Variants in COL24A1 observed in about 807,000 individuals in gnomAD.
COL24A1 encodes collagen type XXIV alpha 1 chain, also known as collagen alpha-1(XXIV) chain.
COL24A1 carries 224 observed loss-of-function variants against 253.9 expected under a neutral mutation model. The ratio of observed to expected loss-of-function variants is 0.88; its 90% CI spans 0.79 to 0.99. The LOEUF (loss-of-function observed/expected upper bound fraction) is 0.99. Ranked by LOEUF, COL24A1 falls within the 50% of genes least tolerant of loss-of-function variation. The probability of loss-of-function intolerance (pLI) is 0.00; values close to 1 mark genes in which losing one functional copy is unlikely to be tolerated. For synonymous variants in COL24A1, 685 were observed against 673.7 expected, an observed-to-expected ratio of 1.02 and a Z score of -0.26; for missense variants, 2,131 against 2,068.5, an observed-to-expected ratio of 1.03 and a Z score of -0.59.
chr1:85,973,751 A>G (rs1692401123), intron 20 of COL24A1, among the ~76,000 whole-genome samples: 1 of 152,172 alleles, frequency 6.6e-6, no homozygotes, highest in Non-Finnish European at 1.5e-5. Context: ...AACCAGAAAT[A>G]ATCCTTTCGG....
At chr1:85,969,061 C>G (rs925291713) in intron 22 of COL24A1, among the ~76,000 whole-genome samples, 2 of 152,072 alleles carry the variant, frequency 1.3e-5, no homozygotes, top group African/African-American at 4.8e-5. Flanking sequence ...ATAGCAACAA[C>G]AATAATAATT....
rs773538065 is a variant in COL24A1 at position 86,022,624 on chromosome 1, T to G, written c.2149-33A>C. 2.5e-6 allele frequency: 4 copies of G among 1,592,694 alleles called. No homozygotes were observed. In the African/African-American group the frequency reaches 5.4e-5, roughly 22 times the overall value. The stretch of plus-strand genomic sequence containing the variant: ...GCACAATTTCATGCAAAGATACTTA[T>G]GTATCACAAACATGGCAATATTATA... On this transcript the variant is annotated intron_variant, in intron 16 of 59. Coordinates refer to ENST00000370571, the MANE Select transcript of COL24A1 (RefSeq NM_152890.7).
At chr1:85,836,918 T>G (rs1035298946) in intron 43 of COL24A1, among the ~76,000 whole-genome samples, 2 of 152,138 alleles carry the variant, frequency 1.3e-5, no homozygotes, top group Non-Finnish European at 2.9e-5. Context: ...AGTGAGGAAA[T>G]TCTTGTCTCC....
At chr1:85,862,601 C>T (rs1426697773) in intron 37 of COL24A1, among the ~76,000 whole-genome samples, 1 of 152,120 alleles carries the variant, frequency 6.6e-6, no homozygotes, top group African/African-American at 2.4e-5. Context: ...CAAAGAATGA[C>T]TCACTCAACA....
chr1:85,821,289 A>G (rs1445276552), intron 45 of COL24A1, among the ~76,000 whole-genome samples: 1 of 152,114 alleles, frequency 6.6e-6, no homozygotes. Flanking sequence ...GGTTAAATTA[A>G]TCATATTTTA....
intron 19 of COL24A1, among the ~76,000 whole-genome samples, chr1:85,989,466 C>T (rs989930033): frequency 3.9e-5 from 6 of 152,122 alleles, no homozygotes; most frequent in African/African-American, 1.4e-4. Flanking sequence ...ACAAACCTCC[C>T]TCCACAACCC....
intron 22 of COL24A1, among the ~76,000 whole-genome samples, chr1:85,968,643 T>C (rs926792143): frequency 1.3e-5 from 2 of 152,308 alleles, no homozygotes; most frequent in East Asian, 1.9e-4. Context: ...ATTTTTTCTA[T>C]GATATTTATA....
intron 7 of COL24A1, among the ~76,000 whole-genome samples, chr1:86,084,524 A>G (rs1470537036): frequency 2.0e-5 from 3 of 152,208 alleles, no homozygotes; most frequent in East Asian, 3.9e-4. Context: ...CCTTGGTCCC[A>G]TCGATCCCTA....
At chr1:86,116,778 C>A (rs972409153) in intron 3 of COL24A1, among the ~76,000 whole-genome samples, 1 of 151,966 alleles carries the variant, frequency 6.6e-6, no homozygotes, top group Non-Finnish European at 1.5e-5. Flanking sequence ...ACTTTTTTCT[C>A]TTACCCCCTA....
chr1:85,759,925 A>AT (rs1167544041), intron 55 of COL24A1, among the ~76,000 whole-genome samples: 2 of 152,208 alleles, frequency 1.3e-5, no homozygotes, highest in African/African-American at 2.4e-5. Context: ...GAAGGGAGCT[A>AT]TGATATATCA....
chr1:86,132,776 G>T lies in COL24A1; in HGVS notation c.122-6562C>A, dbSNP rs11161748. Among the ~76,000 whole-genome samples the T allele has an allele frequency of 2.6e-3, 392 of 152,244 alleles. 3 individuals carry two copies. The highest frequency in any genetic ancestry group is 8.9e-3 in the African/African-American group (368 of 41,536). ...CTGTTTTGGTTACTGTAGCTTTGTG[G>T]TATAGTTTGAAGTCAGGTAGTGTGA... is the stretch of plus-strand genomic sequence containing the variant. On this transcript the variant is annotated intron_variant, in intron 2 of 59. Transcript: ENST00000370571.
At chr1:85,965,513 T>C (rs1205942153) in intron 22 of COL24A1, among the ~76,000 whole-genome samples, 2 of 152,008 alleles carry the variant, frequency 1.3e-5, no homozygotes. Context: ...ATTCTTACTG[T>C]AGTTTTCCGA....
intron 7 of COL24A1, among the ~76,000 whole-genome samples, chr1:86,078,170 T>C (rs1159545923): frequency 6.6e-6 from 1 of 152,132 alleles, no homozygotes; most frequent in Non-Finnish European, 1.5e-5. Context: ...CACTGTGATA[T>C]ATCATATCAA....
At chr1:85,956,934 T>C (rs1053636654) in intron 24 of COL24A1, among the ~76,000 whole-genome samples, 2 of 152,148 alleles carry the variant, frequency 1.3e-5, no homozygotes, top group Non-Finnish European at 2.9e-5. Context: ...ATAATGAAAC[T>C]AGAAAACGGC....
chr1:85,871,932 T>A (rs955999393), intron 35 of COL24A1, among the ~76,000 whole-genome samples: 4 of 152,292 alleles, frequency 2.6e-5, no homozygotes, highest in African/African-American at 9.6e-5. Flanking sequence ...ATGACATGAT[T>A]GTATATTTAG....
chr1:85,791,007 C>T (rs758569938), intron 47 of COL24A1, among the ~76,000 whole-genome samples: 1 of 152,078 alleles, frequency 6.6e-6, no homozygotes, highest in African/African-American at 2.4e-5. Flanking sequence ...CATTTGTTAG[C>T]CCAATAAGGA....
rs943281379 is a variant in COL24A1 at position 85,896,044 on chromosome 1, T to A, written c.2854A>T (p.Lys952Ter). The A allele has an allele frequency of 1.2e-6, 2 of 1,612,606 alleles. No homozygotes were observed. The highest frequency in any genetic ancestry group is 1.7e-6 in the Non-Finnish European group (2 of 1,179,624). ...ACAATAAGACCATGAGGCCCTCTTT[T>A]TCCTTGATCTCCTTTTTCACCCTAA... The part of the protein sequence containing the change: ...GAKGEKGDQG[K>*]RGPHGLIGKT... The change falls in exon 30 of 60, where the codon AAA becomes TAA. Residue 952 changes from lysine to a stop codon, truncating the protein, a stop_gained. Coordinates refer to ENST00000370571, the MANE Select transcript of COL24A1 (RefSeq NM_152890.7). LOFTEE classifies it high-confidence loss of function.
rs1705454388 is a variant in COL24A1, at chr1:86,110,578, C to G, written c.1599+1989G>C. Among the ~76,000 whole-genome samples, 3 of 152,024 alleles carry G rather than the reference C, an allele frequency of 2.0e-5. No individual in the cohort carries two copies. In the East Asian group the frequency reaches 5.9e-4, roughly 30 times the overall value. On this transcript the variant is annotated intron_variant, in intron 5 of 59. Coordinates refer to ENST00000370571, the MANE Select transcript of COL24A1 (RefSeq NM_152890.7). ...GTGGAGGGAGAGGCGCAGGCAGGAA[C>G]TGGGGCTGCGTGCGGCGCTCGCGAG...
intron 20 of COL24A1, among the ~76,000 whole-genome samples, chr1:85,979,877 TAAC>T (rs955247891): frequency 2.4e-4 from 36 of 151,934 alleles, no homozygotes; most frequent in African/African-American, 8.4e-4. Flanking sequence ...GGAAAGGACA[TAAC>T]AAAAAAGAGA....
Sources: allele counts gnomAD v4.1 joint callset (sites outside exome capture counted in the v4.1 genomes callset), GRCh38; gene constraint gnomAD v4.1.1; transcripts MANE v1.5; gene names NCBI Gene and HGNC (gene_info 2026-07-23, HGNC 2026-07-21).